ERBIN: variants seen among roughly 807,000 people sequenced by gnomAD.
The protein encoded by ERBIN is densin-180-like protein.
Under a neutral mutation model 158.4 loss-of-function variants are expected in ERBIN, and 60 were observed. The observed-to-expected ratio is 0.38, with a 90% CI of 0.31 to 0.47. The LOEUF (loss-of-function observed/expected upper bound fraction) is 0.47. Ranked by LOEUF, ERBIN falls within the 20% of genes least tolerant of loss-of-function variation. The pLI, the probability that ERBIN is intolerant of heterozygous loss-of-function variation, is 0.99. For missense variants in ERBIN, 1,610 were observed against 1,648.0 expected (o/e 0.98, Z 0.40); for synonymous variants, 594 against 557.2 (o/e 1.07, Z -0.93).
Position 65,953,427 on chromosome 5 carries a change from A to G in ERBIN, c.-58+26621A>G, listed in dbSNP as rs1746746848. 2.0e-5 allele frequency among the ~76,000 whole-genome samples: 3 copies of G among 152,156 alleles called. No individual in the cohort carries two copies. The South Asian group carries it at 6.2e-4, about 32-fold the overall frequency. On this transcript the variant is annotated intron_variant, in intron 1 of 25. Transcript: ENST00000284037. ...CTTGGCGCAATAGACTCCTTGCTTC[A>G]TGGGGAGGGTTGTATAGCTGGAGTG... is the stretch of plus-strand genomic sequence containing the variant.
intron 25 of ERBIN, among the ~76,000 whole-genome samples, 160 bp from the exon 26 acceptor site, chr5:66,078,263 A>G (rs1255109498): frequency 6.6e-6 from 1 of 152,204 alleles, no homozygotes; most frequent in East Asian, 1.9e-4. Context: ...CCCCATCTTC[A>G]GAGACTTTAT....
chr5:66,053,465 C>A lies in ERBIN; in HGVS notation c.2147C>A (p.Thr716Lys). The change falls in exon 21 of 26, where the codon ACA (threonine) becomes AAA (lysine). Residue 716 changes from threonine to lysine, a missense_variant. This residue lies in a region of ERBIN where 1,014 missense variants were observed against 936.1 expected (regional missense o/e 1.08). Coordinates refer to ENST00000284037, the MANE Select transcript of ERBIN (RefSeq NM_001253697.2). The stretch of plus-strand genomic sequence containing the variant: ...AATGGAGATATTTTAAACAGTTCAA[C>A]AGAGGAAAAGTTCAAAGCTCATGAT... Reference protein sequence around the residue: ...LQNGDILNSSTEEKFKAHDKK... With the variant: ...LQNGDILNSSKEEKFKAHDKK... 6.3e-7 allele frequency: 1 copy of A among 1,593,810 alleles called. No homozygotes were observed. The highest frequency in any genetic ancestry group is 8.5e-7 in the Non-Finnish European group (1 of 1,173,776).
At chr5:65,934,569 G>T (rs1676016743) in intron 1 of ERBIN, among the ~76,000 whole-genome samples, 1 of 152,030 alleles carries the variant, frequency 6.6e-6, no homozygotes, top group South Asian at 2.1e-4. Context: ...CTTTGGCAGG[G>T]TTATTGTAAA....
intron 7 of ERBIN, among the ~76,000 whole-genome samples, chr5:66,020,149 G>A (rs1455430465): frequency 2.0e-5 from 3 of 151,902 alleles, no homozygotes; most frequent in African/African-American, 7.2e-5. Flanking sequence ...ATAAAAATTG[G>A]CATTATGAGA....
At chr5:65,993,015 T>G (rs1412326499) in intron 3 of ERBIN, 108 bp downstream of exon 3, 2 of 929,466 alleles carry the variant, frequency 2.2e-6, no homozygotes, top group Non-Finnish European at 3.0e-6. Flanking sequence ...GTGGTTGAAT[T>G]TTTTGGTTTA....
chr5:65,938,489 C>G (rs766949495), intron 1 of ERBIN, among the ~76,000 whole-genome samples: 25 of 151,256 alleles, frequency 1.7e-4, no homozygotes, highest in Non-Finnish European at 2.8e-4. Flanking sequence ...GTGTGCACAA[C>G]CCAGTTTGCA....
At chr5:65,973,081 TA>T (rs1211429918) in intron 1 of ERBIN, among the ~76,000 whole-genome samples, 1 of 150,730 alleles carries the variant, frequency 6.6e-6, no homozygotes. Flanking sequence ...TATGCAGCCA[TA>T]AAAAAGGATG....
At chr5:66,038,950 T>C (rs913238214) in intron 15 of ERBIN, among the ~76,000 whole-genome samples, 1 of 151,956 alleles carries the variant, frequency 6.6e-6, no homozygotes, top group Non-Finnish European at 1.5e-5. Flanking sequence ...TGGGCACAGA[T>C]GTTTTTATAG....
chr5:65,960,814 G>A (rs150470177), intron 1 of ERBIN, among the ~76,000 whole-genome samples: 2 of 152,016 alleles, frequency 1.3e-5, no homozygotes, highest in African/African-American at 2.4e-5. Context: ...CCATCCCTTT[G>A]TCTTTATATG....
At chr5:65,992,165 T>C (rs1751936812) in intron 2 of ERBIN, among the ~76,000 whole-genome samples, 1 of 151,982 alleles carries the variant, frequency 6.6e-6, no homozygotes, top group Admixed American at 6.6e-5. Context: ...TTTTTTTGTT[T>C]GTTTGTTTGA....
At chr5:65,965,776 T>A (rs1748547107) in intron 1 of ERBIN, among the ~76,000 whole-genome samples, 1 of 152,218 alleles carries the variant, frequency 6.6e-6, no homozygotes, top group African/African-American at 2.4e-5. Flanking sequence ...CCTCTCCCCT[T>A]AATGTGTTTT....
At chr5:66,038,836 T>G (rs1757657619) in intron 15 of ERBIN, among the ~76,000 whole-genome samples, 2 of 152,092 alleles carry the variant, frequency 1.3e-5, no homozygotes, top group Non-Finnish European at 2.9e-5. Context: ...TACACTTGGA[T>G]CTACACACTG....
chr5:65,960,567 T>C (rs1035204937), intron 1 of ERBIN, among the ~76,000 whole-genome samples: 2 of 152,222 alleles, frequency 1.3e-5, no homozygotes, highest in Admixed American at 6.5e-5. Flanking sequence ...TGGGCATAGA[T>C]GATTCTCATG....
At chr5:66,066,063 A>G (rs189999991) in intron 21 of ERBIN, among the ~76,000 whole-genome samples, 116 of 152,206 alleles carry the variant, frequency 7.6e-4, no homozygotes, top group African/African-American at 2.7e-3. Context: ...TTCTTTTCCT[A>G]TGTTCAAAAC....
intron 1 of ERBIN, among the ~76,000 whole-genome samples, chr5:65,943,864 C>T (rs1580103100): frequency 6.6e-6 from 1 of 152,208 alleles, no homozygotes; most frequent in East Asian, 1.9e-4. Context: ...CCAAAGCCTC[C>T]TAGCCGCTGG....
intron 1 of ERBIN, among the ~76,000 whole-genome samples, chr5:65,988,323 T>G (rs1026820440): frequency 1.3e-5 from 2 of 151,680 alleles, no homozygotes; most frequent in Admixed American, 1.3e-4. Flanking sequence ...CAGTCAGTCA[T>G]GTTTGTGCCA....
chr5:66,066,458 T>C (rs900725210), intron 21 of ERBIN, among the ~76,000 whole-genome samples: 1 of 151,830 alleles, frequency 6.6e-6, no homozygotes, highest in Non-Finnish European at 1.5e-5. Flanking sequence ...TAATAATCTA[T>C]TGAAGCTTAA....
chr5:65,937,495 A>T (rs562244994), intron 1 of ERBIN, among the ~76,000 whole-genome samples: 2 of 152,186 alleles, frequency 1.3e-5, no homozygotes, highest in Non-Finnish European at 1.5e-5. Flanking sequence ...TTTTTATGAT[A>T]CTATGCTATT....
chr5:66,024,460 G>A lies in ERBIN; in HGVS notation c.817+10G>A. The A allele has an allele frequency of 6.4e-7, 1 of 1,573,436 alleles. No individual in the cohort carries two copies. ...CTTCCTGAGACTATTGGTTTGTATTGCTTTCAAATTCATGTAATTTTTATT... is the reference window on the plus strand; with the variant it reads ...CTTCCTGAGACTATTGGTTTGTATTACTTTCAAATTCATGTAATTTTTATT... On this transcript the variant is annotated intron_variant, in intron 10 of 25. Transcript: ENST00000284037.
Sources: gnomAD v4.1 joint callset for allele counts (sites outside exome capture counted in the v4.1 genomes callset) on GRCh38, gnomAD v4.1.1 for gene constraint, gnomAD v4.1.1 regional missense constraint, MANE v1.5 for transcripts, NCBI Gene and HGNC (gene_info 2026-07-23, HGNC 2026-07-21) for gene names.